The following LRRC18 variants were observed in gnomAD, a reference collection of about 807,000 sequenced individuals.
LRRC18 encodes the protein leucine rich repeat containing 18.
LRRC18 carries 12 observed loss-of-function variants against 11.2 expected under a neutral mutation model. That is an observed-to-expected ratio of 1.07 (90% confidence interval 0.69 to 1.74). The LOEUF (loss-of-function observed/expected upper bound fraction) is 1.74, where lower values mean the gene tolerates loss of function less well. Ranked by LOEUF, LRRC18 falls within the 40% of genes most tolerant of loss-of-function variation. The pLI, the probability that LRRC18 is intolerant of heterozygous loss-of-function variation, is 0.00. For missense variants in LRRC18, 374 were observed against 330.5 expected (o/e 1.13, Z -1.02); for synonymous variants, 155 against 130.6 (o/e 1.19, Z -1.27).
At chr10:48,916,871 ATGTGTGTGTGTGTGTG>A (rs55891907), upstream of LRRC18, among the ~76,000 whole-genome samples, 32 of 149,300 alleles carry the variant, frequency 2.1e-4, no homozygotes, top group South Asian at 1.7e-3. Flanking sequence ...CTTTAAAAAT[ATGTGTGTGTGTGTGTG>A]TGTGTGTGTG....
the LRRC18 span, among the ~76,000 whole-genome samples, chr10:48,933,584 C>A: frequency 6.6e-6 from 1 of 152,166 alleles, no homozygotes; most frequent in Non-Finnish European, 1.5e-5. Flanking sequence ...CCAGGTCAAG[C>A]CCCATCCTTA....
chr10:48,920,099 C>T, the LRRC18 span, among the ~76,000 whole-genome samples: 1 of 150,556 alleles, frequency 6.6e-6, no homozygotes, highest in Non-Finnish European at 1.5e-5. Flanking sequence ...GTTAATGTAA[C>T]ATACCATATT....
chr10:48,930,879 T>G, the LRRC18 span, among the ~76,000 whole-genome samples: 9 of 152,146 alleles, frequency 5.9e-5, no homozygotes, highest in African/African-American at 1.2e-4. Context: ...GTGAGCCCTG[T>G]GTTCTCTGGC....
At chr10:48,913,187 GA>G (rs755723667) in intron 1 of LRRC18, among the ~76,000 whole-genome samples, 15 of 152,166 alleles carry the variant, frequency 9.9e-5, no homozygotes, top group Non-Finnish European at 2.1e-4. Context: ...GCAGAGGACA[GA>G]GAAATGTGTG....
the LRRC18 span, among the ~76,000 whole-genome samples, chr10:48,920,761 C>T: frequency 5.9e-5 from 9 of 152,186 alleles, no homozygotes; most frequent in African/African-American, 1.9e-4. Context: ...TAGAGAATCC[C>T]ACAGAATTTT....
Position 48,913,271 on chromosome 10 carries a change from G to A in LRRC18, c.764+121C>T, listed in dbSNP as rs542608760. 4.0e-5 allele frequency: 37 copies of A among 915,318 alleles called. No homozygotes were observed. The African/African-American group carries it at 5.6e-4, about 14-fold the overall frequency. The allele number at this position is 915,318 out of a possible 1,614,324, so 56.7% of individuals were successfully genotyped here. ...AGAAAGTAAGGAAAGGAGTTTTATG[G>A]GCTTGGCTGAAAGAGCTGCTGCAGC... On this transcript the variant is annotated intron_variant, in intron 1 of 1. Coordinates refer to ENST00000374160, the Ensembl canonical transcript of LRRC18.
chr10:48,919,951 T>C, the LRRC18 span, among the ~76,000 whole-genome samples: 1 of 152,234 alleles, frequency 6.6e-6, no homozygotes, highest in Admixed American at 6.5e-5. Context: ...CAAAGACATA[T>C]AAGAAAGAGA....
chr10:48,914,265 G>A, upstream of LRRC18: 1 of 1,207,872 alleles, frequency 8.3e-7, no homozygotes, highest in Non-Finnish European at 1.1e-6. Context: ...CTGGTTAGGA[G>A]ATGCCAGAGG....
At chr10:48,929,718 G>T in the LRRC18 span, among the ~76,000 whole-genome samples, 1 of 152,110 alleles carries the variant, frequency 6.6e-6, no homozygotes, top group African/African-American at 2.4e-5. Flanking sequence ...ATTTCTTCTT[G>T]GATGATGATA....
the LRRC18 span, among the ~76,000 whole-genome samples, chr10:48,919,648 G>A: frequency 6.6e-6 from 1 of 152,134 alleles, no homozygotes; most frequent in Non-Finnish European, 1.5e-5. Context: ...GTCCTCACAT[G>A]GTAGAAAGAG....
chr10:48,921,871 A>G, the LRRC18 span, among the ~76,000 whole-genome samples: 2 of 152,194 alleles, frequency 1.3e-5, no homozygotes, highest in Admixed American at 6.5e-5. Context: ...GCTGATGGGA[A>G]TGCAAAATGG....
the LRRC18 span, among the ~76,000 whole-genome samples, chr10:48,924,923 C>A: frequency 4.6e-5 from 7 of 152,300 alleles, no homozygotes; most frequent in African/African-American, 1.7e-4. Flanking sequence ...AAATAGCTTG[C>A]TAACACAATC....
the LRRC18 span, among the ~76,000 whole-genome samples, chr10:48,923,680 C>A: frequency 2.6e-5 from 4 of 151,846 alleles, no homozygotes; most frequent in South Asian, 6.3e-4. Context: ...ATTTATCAAC[C>A]CTCTGAGCAA....
upstream of LRRC18, among the ~76,000 whole-genome samples, chr10:48,914,430 G>A (rs926150106): frequency 1.3e-5 from 2 of 152,158 alleles, no homozygotes; most frequent in African/African-American, 4.8e-5. Context: ...TTTCTTGGAT[G>A]TTAAAATAGG....
At chr10:48,913,786 G>T (rs755492919) in exon 1 of LRRC18, 2 of 1,614,092 alleles carry the variant, frequency 1.2e-6, no homozygotes, top group Non-Finnish European at 1.7e-6. Context: ...TTCACAGCGC[G>T]GATGTTCTTG....
At chr10:48,928,743 C>T in the LRRC18 span, among the ~76,000 whole-genome samples, 1 of 152,218 alleles carries the variant, frequency 6.6e-6, no homozygotes, top group Non-Finnish European at 1.5e-5. Flanking sequence ...CGCAGGACAG[C>T]TCGCAGCCCT....
chr10:48,935,439 G>A, the LRRC18 span, among the ~76,000 whole-genome samples: 12 of 152,230 alleles, frequency 7.9e-5, no homozygotes, highest in Admixed American at 3.3e-4. Flanking sequence ...GGAGAGGATC[G>A]AATCAGAGCC....
chr10:48,909,819 G>A (rs190599223), exon 2 of LRRC18: 16 of 165,084 alleles, frequency 9.7e-5, no homozygotes, highest in African/African-American at 3.4e-4. Context: ...GTTTGGAGGA[G>A]ACAAATGCCC....
the LRRC18 span, among the ~76,000 whole-genome samples, chr10:48,921,893 G>A: frequency 6.6e-6 from 1 of 152,110 alleles, no homozygotes; most frequent in Non-Finnish European, 1.5e-5. Context: ...ATAGTCTCTT[G>A]GAAGACACTT....
Sources: allele counts gnomAD v4.1 joint callset (sites outside exome capture counted in the v4.1 genomes callset), GRCh38; gene constraint gnomAD v4.1.1; transcripts MANE v1.5; gene names NCBI Gene and HGNC (gene_info 2026-07-23, HGNC 2026-07-21).